The following NRXN1 variants were observed in gnomAD, a reference collection of about 807,000 sequenced individuals.
The protein encoded by NRXN1 is neurexin-1.
NRXN1 carries 39 observed loss-of-function variants against 150.9 expected under a neutral mutation model. The observed-to-expected ratio is 0.26, with a 90% CI of 0.20 to 0.34. NRXN1 has a LOEUF of 0.34. Among genes scored for constraint, NRXN1 ranks in the 10% least tolerant of loss-of-function variants. The pLI is 1.00. For missense variants in NRXN1, 1,815 were observed against 1,949.9 expected, an observed-to-expected ratio of 0.93 and a Z score of 1.30; for synonymous variants, 924 against 757.0, an observed-to-expected ratio of 1.22 and a Z score of -3.62.
chr2:50,065,831 G>A (rs529520378), intron 19 of NRXN1, among the ~76,000 whole-genome samples: 7 of 152,202 alleles, frequency 4.6e-5, no homozygotes, highest in Admixed American at 3.3e-4. Flanking sequence ...CCAGAAACAC[G>A]TTGGAAATGG....
At chr2:50,714,403 C>G (rs1408360628) in intron 5 of NRXN1, among the ~76,000 whole-genome samples, 1 of 151,902 alleles carries the variant, frequency 6.6e-6, no homozygotes, top group African/African-American at 2.4e-5. Context: ...CCTTCTTGAC[C>G]CTAGCATTTA....
At chr2:50,340,285 T>C (rs2077463056) in intron 17 of NRXN1, among the ~76,000 whole-genome samples, 1 of 152,158 alleles carries the variant, frequency 6.6e-6, no homozygotes, top group Non-Finnish European at 1.5e-5. Context: ...AACAATCTTG[T>C]ATTTTGTGAG....
At chr2:50,884,396 C>G (rs565350148) in intron 5 of NRXN1, among the ~76,000 whole-genome samples, 1 of 151,758 alleles carries the variant, frequency 6.6e-6, no homozygotes, top group South Asian at 2.1e-4. Flanking sequence ...TTAAAATGAA[C>G]TTGAGAAATG....
chr2:49,947,503 CTTTTTTTTTTCTTTTTTTT>C (rs1255947340), intron 21 of NRXN1, among the ~76,000 whole-genome samples: 157 of 134,076 alleles, frequency 1.2e-3, no homozygotes, highest in African/African-American at 4.2e-3. Context: ...TTTTTTCTTT[CTTTTTTTTTTCTTTTTTTT>C]TTTTTTTTTG....
chr2:50,567,848 C>T (rs1021247254), intron 8 of NRXN1, among the ~76,000 whole-genome samples: 1 of 144,720 alleles, frequency 6.9e-6, no homozygotes, highest in Admixed American at 6.9e-5. Flanking sequence ...TTTAGTCAGA[C>T]ATTCTTTTAA....
intron 5 of NRXN1, among the ~76,000 whole-genome samples, chr2:50,693,948 T>C (rs1574126753): frequency 1.3e-5 from 2 of 152,074 alleles, no homozygotes; most frequent in Non-Finnish European, 2.9e-5. Context: ...TCCACTACCA[T>C]GGTCGGCTAA....
At chr2:50,612,989 A>G (rs922349682) in intron 8 of NRXN1, among the ~76,000 whole-genome samples, 4 of 152,204 alleles carry the variant, frequency 2.6e-5, no homozygotes, top group African/African-American at 4.8e-5. Flanking sequence ...ACATTTCAAT[A>G]TTTCCGAGAT....
At chr2:50,036,965 T>C (rs919023921) in intron 21 of NRXN1, among the ~76,000 whole-genome samples, 1 of 152,124 alleles carries the variant, frequency 6.6e-6, no homozygotes, top group African/African-American at 2.4e-5. Flanking sequence ...CCAGTCCAAA[T>C]GGCAGAACCA....
intron 5 of NRXN1, among the ~76,000 whole-genome samples, chr2:50,879,744 T>C (rs1205241264): frequency 6.6e-6 from 1 of 151,904 alleles, no homozygotes; most frequent in African/African-American, 2.4e-5. Context: ...CTGTTTTTCT[T>C]GCTATTCTGA....
At chr2:50,682,743 C>T (rs1213615392) in intron 5 of NRXN1, among the ~76,000 whole-genome samples, 1 of 151,990 alleles carries the variant, frequency 6.6e-6, no homozygotes, top group Non-Finnish European at 1.5e-5. Context: ...AGACAGAGTG[C>T]AACAGTACGT....
intron 8 of NRXN1, among the ~76,000 whole-genome samples, chr2:50,561,435 T>G (rs1342248459): frequency 6.6e-6 from 1 of 152,170 alleles, no homozygotes; most frequent in African/African-American, 2.4e-5. Context: ...ACTTGATCAA[T>G]TGTCTTATTT....
At chr2:50,819,810 T>C (rs1027898824) in intron 5 of NRXN1, among the ~76,000 whole-genome samples, 12 of 152,136 alleles carry the variant, frequency 7.9e-5, no homozygotes, top group Admixed American at 7.2e-4. Context: ...CCTTGGTTGT[T>C]CATTCAACCA....
chr2:50,780,567 G>C (rs1704229607), intron 5 of NRXN1, among the ~76,000 whole-genome samples: 1 of 152,064 alleles, frequency 6.6e-6, no homozygotes, highest in Non-Finnish European at 1.5e-5. Flanking sequence ...TAGGATTCCA[G>C]TTACTGGGCT....
At chr2:50,927,509 A>T (rs1687081752) in intron 2 of NRXN1, among the ~76,000 whole-genome samples, 1 of 152,040 alleles carries the variant, frequency 6.6e-6, no homozygotes, top group African/African-American at 2.4e-5. Context: ...TTTATTAAAC[A>T]AGGAATTAGG....
chr2:50,999,651 G>C (rs1340486777), intron 2 of NRXN1, among the ~76,000 whole-genome samples: 2 of 151,906 alleles, frequency 1.3e-5, no homozygotes, highest in Non-Finnish European at 2.9e-5. Context: ...GAAATATCGG[G>C]GGTGAATTTC....
chr2:51,020,225 C>A (rs940002217), intron 2 of NRXN1, among the ~76,000 whole-genome samples: 9 of 151,796 alleles, frequency 5.9e-5, no homozygotes, highest in African/African-American at 2.2e-4. Context: ...TTTATCCCAA[C>A]CTCTATCATC....
At chr2:50,750,490 C>A (rs1021399238) in intron 5 of NRXN1, among the ~76,000 whole-genome samples, 3 of 151,868 alleles carry the variant, frequency 2.0e-5, no homozygotes, top group Non-Finnish European at 2.9e-5. Flanking sequence ...GAACCTAATG[C>A]AAATGATGAG....
chr2:50,228,130 A>C (rs2064581568), intron 18 of NRXN1, among the ~76,000 whole-genome samples: 1 of 152,074 alleles, frequency 6.6e-6, no homozygotes, highest in African/African-American at 2.4e-5. Flanking sequence ...CACACATTGG[A>C]TTTGAAAAGC....
At chr2:50,699,065 G>A (rs1693360253) in intron 5 of NRXN1, among the ~76,000 whole-genome samples, 1 of 152,262 alleles carries the variant, frequency 6.6e-6, no homozygotes, top group Admixed American at 6.5e-5. Context: ...TCTAAAGACA[G>A]AGACTGTCAG....
Sources: gnomAD v4.1 joint callset for allele counts (sites outside exome capture counted in the v4.1 genomes callset) on GRCh38, gnomAD v4.1.1 for gene constraint, MANE v1.5 for transcripts, NCBI Gene and HGNC (gene_info 2026-07-23, HGNC 2026-07-21) for gene names.